The following CARMIL1 variants were observed in gnomAD, a reference collection of about 807,000 sequenced individuals.
The protein encoded by CARMIL1 is capping protein regulator and myosin 1 linker 1.
CARMIL1 carries 90 observed loss-of-function variants against 177.1 expected under a neutral mutation model. The ratio of observed to expected loss-of-function variants is 0.51; its 90% confidence interval spans 0.43 to 0.61. The LOEUF (loss-of-function observed/expected upper bound fraction) is 0.61. Ranked by LOEUF, CARMIL1 falls within the 20% of genes least tolerant of loss-of-function variation. CARMIL1 has a pLI of 0.00. For missense variants in CARMIL1, 1,380 were observed against 1,667.0 expected, an observed-to-expected ratio of 0.83 and a Z score of 3.00; for synonymous variants, 577 against 606.2, an observed-to-expected ratio of 0.95 and a Z score of 0.71.
intron 29 of CARMIL1, among the ~76,000 whole-genome samples, chr6:25,580,645 C>T (rs557723302): frequency 6.6e-6 from 1 of 152,256 alleles, no homozygotes; most frequent in South Asian, 2.1e-4. Flanking sequence ...ATTTTAACAT[C>T]CTCTTACACA....
chr6:25,606,286 C>T lies in CARMIL1; in HGVS notation c.3847+13C>T, dbSNP rs1815962193. 6.2e-7 allele frequency: 1 copy of T among 1,609,944 alleles called. No individual in the cohort carries two copies. The highest frequency in any genetic ancestry group is 1.3e-5 in the African/African-American group (1 of 74,806). ...GCCTCACGGCCTGGTAAGAGTTTTG[C>T]AGTTAGGGAGTTGCATTGTGACCAG... is the stretch of plus-strand genomic sequence containing the variant. On this transcript the variant is annotated intron_variant, in intron 35 of 36. Coordinates refer to ENST00000329474, the MANE Select transcript of CARMIL1 (RefSeq NM_017640.6).
At chr6:25,407,390 C>T (rs1020994540) in intron 2 of CARMIL1, among the ~76,000 whole-genome samples, 11 of 123,126 alleles carry the variant, frequency 8.9e-5, no homozygotes, top group African/African-American at 3.2e-4. Context: ...CCAGAGCCCA[C>T]ACGAAGGGAC....
intron 11 of CARMIL1, among the ~76,000 whole-genome samples, chr6:25,478,030 A>AT (rs142509743): frequency 2.1e-5 from 3 of 145,526 alleles, no homozygotes; most frequent in Non-Finnish European, 4.6e-5. Context: ...TAATTTTTAA[A>AT]TTTTTTTTTG....
intron 28 of CARMIL1, among the ~76,000 whole-genome samples, chr6:25,555,129 AAT>A (rs990440685): frequency 6.6e-6 from 1 of 152,186 alleles, no homozygotes; most frequent in African/African-American, 2.4e-5. Flanking sequence ...CATATGAAAA[AAT>A]ATAGTTTTTC....
intron 2 of CARMIL1, among the ~76,000 whole-genome samples, chr6:25,390,790 A>C (rs780830910): frequency 3.0e-4 from 45 of 152,318 alleles, no homozygotes; most frequent in Non-Finnish European, 4.6e-4. Flanking sequence ...TCCTGGGTTC[A>C]AGTGATTCTC....
At chr6:25,562,709 C>T (rs1811237904) in intron 29 of CARMIL1, among the ~76,000 whole-genome samples, 1 of 152,126 alleles carries the variant, frequency 6.6e-6, no homozygotes, top group African/African-American at 2.4e-5. Flanking sequence ...CTTCACCTCC[C>T]AGAGCCCTAA....
chr6:25,520,873 G>A, intron 23 of CARMIL1, among the ~76,000 whole-genome samples: 1 of 152,086 alleles, frequency 6.6e-6, no homozygotes, highest in South Asian at 2.1e-4. Context: ...ATTCTGCCCT[G>A]TGCTGGAAAC....
intron 2 of CARMIL1, among the ~76,000 whole-genome samples, chr6:25,303,841 A>C (rs1049656291): frequency 1.3e-5 from 2 of 152,254 alleles, no homozygotes; most frequent in African/African-American, 4.8e-5. Flanking sequence ...AGGACACGTA[A>C]GTTTTAAAGG....
chr6:25,318,322 G>A (rs978388758), intron 2 of CARMIL1, among the ~76,000 whole-genome samples: 1 of 152,184 alleles, frequency 6.6e-6, no homozygotes, highest in Non-Finnish European at 1.5e-5. Context: ...GGACAAAGCG[G>A]ACTGATTTGG....
chr6:25,317,535 A>G (rs753976558), intron 2 of CARMIL1, among the ~76,000 whole-genome samples: 16 of 112,754 alleles, frequency 1.4e-4, no homozygotes, highest in Non-Finnish European at 2.8e-4. Context: ...TTTAAACTAT[A>G]TGTTGGAAGC....
intron 24 of CARMIL1, among the ~76,000 whole-genome samples, chr6:25,532,364 A>G (rs1199430666): frequency 2.0e-5 from 3 of 152,214 alleles, no homozygotes; most frequent in Admixed American, 2.0e-4. Context: ...ATTGCACACA[A>G]GAGCAGTATG....
At chr6:25,431,105 G>A (rs911289917) in intron 4 of CARMIL1, among the ~76,000 whole-genome samples, 1 of 152,066 alleles carries the variant, frequency 6.6e-6, no homozygotes, top group Admixed American at 6.5e-5. Flanking sequence ...ATGCTGGTGC[G>A]CTGCACCCAC....
intron 2 of CARMIL1, among the ~76,000 whole-genome samples, chr6:25,397,680 A>G (rs1202393945): frequency 1.3e-5 from 2 of 152,104 alleles, no homozygotes; most frequent in Non-Finnish European, 2.9e-5. Flanking sequence ...TGCTTAGAGA[A>G]ATGCTATTAT....
chr6:25,342,805 A>C (rs16890414), intron 2 of CARMIL1, among the ~76,000 whole-genome samples: 1 of 152,104 alleles, frequency 6.6e-6, no homozygotes, highest in Admixed American at 6.6e-5. Context: ...GCTTTTAGAA[A>C]TCCTTTCCAG....
chr6:25,475,736 G>T (rs1185929931), intron 11 of CARMIL1, among the ~76,000 whole-genome samples: 1 of 152,224 alleles, frequency 6.6e-6, no homozygotes, highest in Non-Finnish European at 1.5e-5. Flanking sequence ...TTGGGGAGAT[G>T]GAAGAGGAAG....
At chr6:25,425,175 C>T (rs189589471) in intron 3 of CARMIL1, among the ~76,000 whole-genome samples, 162 of 152,254 alleles carry the variant, frequency 1.1e-3, no homozygotes, top group Non-Finnish European at 2.0e-3. Context: ...ACAAACGTCT[C>T]AGTACTCTTT....
chr6:25,291,690 G>A (rs767970488), intron 2 of CARMIL1, among the ~76,000 whole-genome samples: 1 of 152,112 alleles, frequency 6.6e-6, no homozygotes. Flanking sequence ...AATGTTTTGG[G>A]ATTGTATTTT....
chr6:25,462,534 T>G (rs1800215988), intron 8 of CARMIL1, among the ~76,000 whole-genome samples: 1 of 152,214 alleles, frequency 6.6e-6, no homozygotes, highest in South Asian at 2.1e-4. Context: ...TCATGCATGA[T>G]GGCGGCATTT....
intron 8 of CARMIL1, chr6:25,451,986 G>GGGGGGGGGGGGGGGGGGGCCCCCCCC: frequency 8.9e-6 from 1 of 112,672 alleles, no homozygotes; most frequent in Non-Finnish European, 1.7e-5. Flanking sequence ...CTAGCATCTT[G>GGGGGGGGGGGGGGGGGGGCCCCCCCC]CCCCCCCCTC....
Sources: allele counts gnomAD v4.1 joint callset (sites outside exome capture counted in the v4.1 genomes callset), GRCh38; gene constraint gnomAD v4.1.1; transcripts MANE v1.5; gene names NCBI Gene and HGNC (gene_info 2026-07-23, HGNC 2026-07-21).